PDE4A: variants seen among roughly 807,000 people sequenced by gnomAD.
PDE4A encodes the protein 3',5'-cyclic-AMP phosphodiesterase 4A.
Under a neutral mutation model 73.9 loss-of-function variants are expected in PDE4A, and 21 were observed. That is an observed-to-expected ratio of 0.28 (90% confidence interval 0.20 to 0.41). The LOEUF (loss-of-function observed/expected upper bound fraction) is 0.41. Among genes scored for constraint, PDE4A ranks in the 10% least tolerant of loss-of-function variants. PDE4A has a pLI of 1.00. For missense variants in PDE4A, 958 were observed against 1,211.4 expected (o/e 0.79, Z 3.10); for synonymous variants, 463 against 505.4 (o/e 0.92, Z 1.13).
upstream of PDE4A, chr19:10,417,743 T>G: frequency 6.3e-7 from 1 of 1,585,218 alleles, no homozygotes; most frequent in Admixed American, 1.7e-5. Flanking sequence ...TCTCGTCCGG[T>G]CCTGGCCTGG....
At position 10,465,683 on chromosome 19, in the gene PDE4A, C is replaced by CTTTTTTTTT. The variant is rs749126870; in HGVS notation, c.1927-1178_1927-1170dup. ...TCATAGCAATAGTTTGTGGCTTTAGCTTTTTTTTTTTTTTTTTTTTTTTTT... is the reference window on the plus strand; with the variant it reads ...TCATAGCAATAGTTTGTGGCTTTAGCTTTTTTTTTTTTTTTTTTTTTTTTTTTTTTTTTT... On this transcript the variant is annotated intron_variant, in intron 14 of 14. Coordinates refer to ENST00000380702, the MANE Select transcript of PDE4A (RefSeq NM_001111307.2). 1.8e-3 allele frequency among the ~76,000 whole-genome samples: 88 copies of CTTTTTTTTT among 48,384 alleles called. 15 individuals are homozygous for CTTTTTTTTT. Among genetic ancestry groups the CTTTTTTTTT allele is most frequent in the Non-Finnish European group, 2.0e-3 (55 of 27,278 alleles). The allele number at this position is 48,384 out of a possible 152,430, so 31.7% of individuals were successfully genotyped here.
chr19:10,454,740 G>A (rs1599442922), intron 6 of PDE4A, 89 bp from the exon 7 acceptor site: 1 of 1,595,738 alleles, frequency 6.3e-7, no homozygotes, highest in Admixed American at 1.7e-5. Flanking sequence ...GGACTCATGG[G>A]GTCTTCAGGC....
At chr19:10,457,694 C>T (rs2043193538) in intron 7 of PDE4A, 185 bp from the exon 8 acceptor site, 1 of 737,062 alleles carries the variant, frequency 1.4e-6, no homozygotes, top group Non-Finnish European at 1.7e-6. Flanking sequence ...CAGCCCACCA[C>T]CTCCTGGAAG....
At chr19:10,465,465 C>A (rs546177028) in intron 14 of PDE4A, among the ~76,000 whole-genome samples, 2 of 151,850 alleles carry the variant, frequency 1.3e-5, no homozygotes, top group South Asian at 4.2e-4. Flanking sequence ...GGTGATCCGC[C>A]CACCTCGGCC....
At chr19:10,463,355 G>T (rs1438847413) in intron 13 of PDE4A, among the ~76,000 whole-genome samples, 3 of 148,708 alleles carry the variant, frequency 2.0e-5, no homozygotes, top group Non-Finnish European at 4.4e-5. Context: ...CTCCCAAAGT[G>T]CTGTGATTAC....
Position 10,453,253 on chromosome 19 carries a change from A to G in PDE4A, c.784-1576A>G. 6.2e-7 allele frequency: 1 copy of G among 1,611,092 alleles called. No homozygotes were observed. Among genetic ancestry groups the G allele is most frequent in the Non-Finnish European group, 8.5e-7 (1 of 1,178,730 alleles). The stretch of plus-strand genomic sequence containing the variant: ...TGTGTGCAGCAGCCCCAGGCGGGCT[A>G]AGTCTCCAAGATGCCCTTGGTGGAT... On this transcript the variant is annotated intron_variant, in intron 6 of 14. Coordinates refer to ENST00000380702, the MANE Select transcript of PDE4A (RefSeq NM_001111307.2). The surrounding 1 kb of genome is among the most constrained non-coding windows in gnomAD (Gnocchi z 4.6).
rs540127472 is a variant in PDE4A, at chr19:10,452,614, G to T, written c.783+1673G>T. Among the ~76,000 whole-genome samples, 4 of 137,756 alleles carry T rather than the reference G, an allele frequency of 2.9e-5. No individual in the cohort carries two copies. The South Asian group carries it at 8.6e-4, about 30-fold the overall frequency. The allele number at this position is 137,756 out of a possible 152,430, so 90.4% of individuals were successfully genotyped here. A position where few individuals can be genotyped will look rare whatever the true frequency, so the allele number is the denominator to read the frequency against. The stretch of plus-strand genomic sequence containing the variant: ...ACATCAGAGTTGTGACTGTCTCCGG[G>T]TGTGTGTGTGTGTGTGTGTGCTGTA... On this transcript the variant is annotated intron_variant, in intron 6 of 14. Coordinates refer to ENST00000380702, the MANE Select transcript of PDE4A (RefSeq NM_001111307.2).
Position 10,453,468 on chromosome 19 carries a change from G to A in PDE4A, c.784-1361G>A. The A allele has an allele frequency of 3.6e-6, 4 of 1,110,272 alleles. No individual in the cohort carries two copies. The highest frequency in any genetic ancestry group is 3.0e-4 in the Middle Eastern group (1 of 3,286). 68.8% of individuals were successfully genotyped at this position (1,110,272 alleles called of 1,614,324 possible). A position where few individuals can be genotyped will look rare whatever the true frequency, so the allele number is the denominator to read the frequency against. On this transcript the variant is annotated intron_variant, in intron 6 of 14. Coordinates refer to ENST00000380702, the MANE Select transcript of PDE4A (RefSeq NM_001111307.2). The surrounding 1 kb of genome is among the most constrained non-coding windows in gnomAD (Gnocchi z 4.6). ...GTCTCTGTGTGTGGCCCAGGGCTGG[G>A]CGTGGATGGCGGGCAGCTGGGGGTG...
chr19:10,459,609 G>A lies in PDE4A; in HGVS notation c.1215G>A (p.Leu405=). 6.2e-7 allele frequency: 1 copy of A among 1,614,156 alleles called. No individual in the cohort carries two copies. Among genetic ancestry groups the A allele is most frequent in the South Asian group, 1.1e-5 (1 of 91,080 alleles). Residue 405 remains leucine (L), a synonymous_variant, in exon 10 of 15, where the codon CTG becomes CTA. Coordinates refer to ENST00000380702, the MANE Select transcript of PDE4A (RefSeq NM_001111307.2). ...MYMIFQERDL[L]KKFRIPVDTM... Reference sequence around the variant, plus strand: ...CCTGCTCTCAGGAGCGGGACCTGCTGAAGAAATTCCGCATCCCTGTGGACA... The same window carrying A: ...CCTGCTCTCAGGAGCGGGACCTGCTAAAGAAATTCCGCATCCCTGTGGACA...
intron 2 of PDE4A, 79 bp downstream of exon 2, chr19:10,446,488 G>A: frequency 2.6e-6 from 4 of 1,520,640 alleles, no homozygotes; most frequent in Non-Finnish European, 3.6e-6. Flanking sequence ...AGGGAGTCGG[G>A]GGGCACCCAC....
At position 10,446,532 on chromosome 19, in the gene PDE4A, C is replaced by T. The variant is rs1254659199; in HGVS notation, c.512+123C>T. 5 of 1,177,312 alleles carry T rather than the reference C, an allele frequency of 4.2e-6. No homozygotes were observed. In the East Asian group the frequency reaches 7.8e-5, roughly 18 times the overall value. 72.9% of individuals were successfully genotyped at this position (1,177,312 alleles called of 1,614,324 possible). A position where few individuals can be genotyped will look rare whatever the true frequency, so the allele number is the denominator to read the frequency against. On this transcript the variant is annotated intron_variant, in intron 2 of 14. Coordinates refer to ENST00000380702, the MANE Select transcript of PDE4A (RefSeq NM_001111307.2). Reference sequence around the variant, plus strand: ...TCCTCAGCACTCCCAACCTGTCCTCCCCAGTGAAGGGTAAGCAGCACCCTG... The same window carrying T: ...TCCTCAGCACTCCCAACCTGTCCTCTCCAGTGAAGGGTAAGCAGCACCCTG...
At chr19:10,455,490 C>T (rs1022605011) in intron 7 of PDE4A, among the ~76,000 whole-genome samples, 2 of 150,830 alleles carry the variant, frequency 1.3e-5, no homozygotes, top group African/African-American at 4.9e-5. Flanking sequence ...AAATATTAGC[C>T]GGGCATGGTG....
chr19:10,451,238 T>C (rs1224767167), intron 6 of PDE4A, among the ~76,000 whole-genome samples: 17 of 151,400 alleles, frequency 1.1e-4, no homozygotes, highest in Admixed American at 1.1e-3. Context: ...GTAGGGTCTA[T>C]GGTATGGGGT....
At chr19:10,426,620 C>T (rs1308438859) in intron 1 of PDE4A, among the ~76,000 whole-genome samples, 1 of 152,056 alleles carries the variant, frequency 6.6e-6, no homozygotes, top group Non-Finnish European at 1.5e-5. Context: ...CCTGTAATCC[C>T]AGCACTTTGG....
At chr19:10,460,906 C>A in intron 10 of PDE4A, 98 bp from the exon 11 acceptor site, 1 of 1,333,944 alleles carries the variant, frequency 7.5e-7, no homozygotes, top group Non-Finnish European at 1.0e-6. Flanking sequence ...TCAAGTGATC[C>A]TCCCATCTCA....
chr19:10,430,094 G>A (rs2042767518), intron 1 of PDE4A, among the ~76,000 whole-genome samples: 1 of 152,016 alleles, frequency 6.6e-6, no homozygotes, highest in Non-Finnish European at 1.5e-5. Flanking sequence ...GAGAGTTGGG[G>A]ATGATGGGGA....
Position 10,462,321 on chromosome 19 carries a change from A to C in PDE4A, c.1743+322A>C, listed in dbSNP as rs1039944130. Among the ~76,000 whole-genome samples, 8 of 151,662 alleles carry C rather than the reference A, an allele frequency of 5.3e-5. No homozygotes were observed. The South Asian group carries it at 1.7e-3, about 32-fold the overall frequency. On this transcript the variant is annotated intron_variant, in intron 13 of 14. Coordinates refer to ENST00000380702, the MANE Select transcript of PDE4A (RefSeq NM_001111307.2). ...AGGCATGCGCCACCATGCCCAGCTAATTTTGTACTTTTAGTAGAGAGGGTT... is the reference window on the plus strand; with the variant it reads ...AGGCATGCGCCACCATGCCCAGCTACTTTTGTACTTTTAGTAGAGAGGGTT...
Position 10,453,135 on chromosome 19 carries a change from C to G in PDE4A, c.784-1694C>G, listed in dbSNP as rs1228448643. Reference sequence around the variant, plus strand: ...AGCCCCCAGCCCTGCTGGGCCGGCCCAGGCCCCTCCGCGGCTCCCCCTTCC... The same window carrying G: ...AGCCCCCAGCCCTGCTGGGCCGGCCGAGGCCCCTCCGCGGCTCCCCCTTCC... On this transcript the variant is annotated intron_variant, in intron 6 of 14. Transcript: ENST00000380702. This position sits in a 1 kb window ranked among gnomAD's most constrained non-coding sequence, Gnocchi z 4.6. 1.4e-6 allele frequency: 2 copies of G among 1,423,384 alleles called. No individual in the cohort carries two copies. The highest frequency in any genetic ancestry group is 1.5e-5 in the South Asian group (1 of 66,628). 88.2% of individuals were successfully genotyped at this position (1,423,384 alleles called of 1,614,324 possible).
At chr19:10,430,828 G>C in intron 1 of PDE4A, 2 of 1,097,252 alleles carry the variant, frequency 1.8e-6, no homozygotes, top group Non-Finnish European at 2.2e-6. Flanking sequence ...CCGCCGAGGC[G>C]GGGCCGCCCC....
Sources: allele counts gnomAD v4.1 joint callset (sites outside exome capture counted in the v4.1 genomes callset), GRCh38; gene constraint gnomAD v4.1.1; non-coding constraint Gnocchi (gnomAD v3.1); transcripts MANE v1.5; gene names NCBI Gene and HGNC (gene_info 2026-07-23, HGNC 2026-07-21).